GALNTL6: variants seen among roughly 807,000 people sequenced by gnomAD.
GALNTL6 encodes the protein polypeptide N-acetylgalactosaminyltransferase like 6.
In GALNTL6, 46 loss-of-function variants were observed where a neutral mutation model predicts 73.7. The ratio of observed to expected loss-of-function variants is 0.62; its 90% CI spans 0.49 to 0.80. The LOEUF is 0.80. Among genes scored for constraint, GALNTL6 ranks in the 30% least tolerant of loss-of-function variants. The pLI, the probability that GALNTL6 is intolerant of heterozygous loss-of-function variation, is 0.00. For synonymous variants in GALNTL6, 259 were observed against 263.7 expected, an observed-to-expected ratio of 0.98 and a Z score of 0.17; for missense variants, 604 against 755.0, an observed-to-expected ratio of 0.80 and a Z score of 2.34.
intron 5 of GALNTL6, among the ~76,000 whole-genome samples, chr4:172,583,612 T>G (rs1013598541): frequency 2.6e-5 from 4 of 152,068 alleles, no homozygotes; most frequent in Admixed American, 2.0e-4. Context: ...TCTAAAAATA[T>G]CGGATGCGGC....
chr4:173,025,305 A>C (rs557913254), intron 12 of GALNTL6, among the ~76,000 whole-genome samples: 92 of 152,290 alleles, frequency 6.0e-4, no homozygotes, highest in Non-Finnish European at 8.5e-4. Context: ...AGGCAACCTC[A>C]GTAAAAATAT....
chr4:172,004,616 A>G (rs1740774474), intron 2 of GALNTL6, among the ~76,000 whole-genome samples: 1 of 152,174 alleles, frequency 6.6e-6, no homozygotes, highest in South Asian at 2.1e-4. Flanking sequence ...AAATTAAAGC[A>G]GAGAAACAGA....
intron 5 of GALNTL6, among the ~76,000 whole-genome samples, chr4:172,476,594 G>A (rs752176453): frequency 3.3e-5 from 5 of 151,980 alleles, no homozygotes; most frequent in South Asian, 4.2e-4. Flanking sequence ...ATAAGCAACC[G>A]CGTCATCGTA....
At chr4:172,104,324 G>A (rs17219104) in intron 2 of GALNTL6, among the ~76,000 whole-genome samples, 13,734 of 152,154 alleles carry the variant, frequency 0.09, 787 homozygotes, top group Admixed American at 0.2. Context: ...AGAGTTTAAT[G>A]TCAAAGTTTA....
chr4:171,944,774 A>C (rs983116748), intron 2 of GALNTL6, among the ~76,000 whole-genome samples: 1 of 151,966 alleles, frequency 6.6e-6, no homozygotes, highest in African/African-American at 2.4e-5. Context: ...CAGTTTTAAC[A>C]CTCAAAAGAA....
intron 2 of GALNTL6, among the ~76,000 whole-genome samples, chr4:171,860,273 T>C (rs762902983): frequency 1.6e-4 from 25 of 152,236 alleles, no homozygotes; most frequent in Non-Finnish European, 3.1e-4. Context: ...ACCACATGGC[T>C]AGTAAATATT....
intron 5 of GALNTL6, among the ~76,000 whole-genome samples, chr4:172,710,997 T>C (rs932912860): frequency 1.3e-5 from 2 of 152,142 alleles, no homozygotes; most frequent in Non-Finnish European, 2.9e-5. Flanking sequence ...AACTGAAATA[T>C]CTGCCTTCAT....
At chr4:172,219,198 T>C (rs990207210) in intron 2 of GALNTL6, among the ~76,000 whole-genome samples, 1 of 64,634 alleles carries the variant, frequency 1.5e-5, no homozygotes, top group African/African-American at 5.2e-5. Context: ...ATTAAGCAAG[T>C]GTATATATAT....
In GALNTL6 at chr4:172,698,232, G is replaced by A. The variant is rs145532003; in HGVS notation, c.554-111129G>A. On this transcript the variant is annotated intron_variant, in intron 5 of 12. Transcript: ENST00000506823. ...TGATTGGAGTGAGGCTGATGATCTC[G>A]TGTCTTTCTGAGCCTGCCCGGTATT... is the stretch of plus-strand genomic sequence containing the variant. Among the ~76,000 whole-genome samples, 263 of 152,078 alleles carry A rather than the reference G, an allele frequency of 1.7e-3. 1 individual carries two copies. The highest frequency in any genetic ancestry group is 6.2e-3 in the African/African-American group (256 of 41,484).
chr4:171,836,642 G>T (rs1735102961), intron 2 of GALNTL6, among the ~76,000 whole-genome samples: 1 of 151,926 alleles, frequency 6.6e-6, no homozygotes, highest in Non-Finnish European at 1.5e-5. Flanking sequence ...TTAATATTTT[G>T]TTTCGTATCC....
At position 172,864,874 on chromosome 4, in the gene GALNTL6, A is replaced by C. The variant is rs181490572; in HGVS notation, c.924-17916A>C. On this transcript the variant is annotated intron_variant, in intron 7 of 12. Coordinates refer to ENST00000506823, the MANE Select transcript of GALNTL6 (RefSeq NM_001034845.3). ...TTAAAAGTATTTAAAATTATTTTGGAAGGGGACAGGTGTCAACATAAATAA... is the reference window on the plus strand; with the variant it reads ...TTAAAAGTATTTAAAATTATTTTGGCAGGGGACAGGTGTCAACATAAATAA... 3.7e-4 allele frequency among the ~76,000 whole-genome samples: 57 copies of C among 152,254 alleles called. 1 individual carries two copies. Among genetic ancestry groups the C allele is most frequent in the African/African-American group, 1.3e-3 (55 of 41,550 alleles).
Position 173,011,339 on chromosome 4 carries a change from G to T in GALNTL6, c.1488+2045G>T, listed in dbSNP as rs191943425. On this transcript the variant is annotated intron_variant, in intron 11 of 12. Coordinates refer to ENST00000506823, the MANE Select transcript of GALNTL6 (RefSeq NM_001034845.3). Reference sequence around the variant, plus strand: ...CACTGTGTTGATTGTTTCCTTTGCCGTGCAGAAGCTTTTTAGTTTGATGTG... The same window carrying T: ...CACTGTGTTGATTGTTTCCTTTGCCTTGCAGAAGCTTTTTAGTTTGATGTG... Among the ~76,000 whole-genome samples, 345 of 152,112 alleles carry T rather than the reference G, an allele frequency of 2.3e-3. 1 individual carries two copies. The highest frequency in any genetic ancestry group is 7.9e-3 in the African/African-American group (326 of 41,476).
chr4:172,589,685 T>C (rs931121245), intron 5 of GALNTL6, among the ~76,000 whole-genome samples: 3 of 152,264 alleles, frequency 2.0e-5, no homozygotes, highest in Non-Finnish European at 4.4e-5. Flanking sequence ...TTGATTCTTA[T>C]TGTGTGCAAC....
intron 2 of GALNTL6, among the ~76,000 whole-genome samples, chr4:171,864,803 T>G (rs1283088145): frequency 5.3e-5 from 8 of 152,006 alleles, no homozygotes; most frequent in African/African-American, 1.9e-4. Flanking sequence ...ACCAATCTTG[T>G]CCAAACAAAA....
chr4:172,375,266 G>T lies in GALNTL6; in HGVS notation c.553+26577G>T, dbSNP rs145255821. On this transcript the variant is annotated intron_variant, in intron 5 of 12. Coordinates refer to ENST00000506823, the MANE Select transcript of GALNTL6 (RefSeq NM_001034845.3). Reference sequence around the variant, plus strand: ...TATTTGCCTTCCCTCTTACAGAAAAGGTCAAGCTGCAGGATAGTGTTGTAA... The same window carrying T: ...TATTTGCCTTCCCTCTTACAGAAAATGTCAAGCTGCAGGATAGTGTTGTAA... Among the ~76,000 whole-genome samples, 1,114 of 152,208 alleles carry T rather than the reference G, an allele frequency of 7.3e-3. 12 individuals carry two copies. The highest frequency in any genetic ancestry group is 0.025 in the African/African-American group (1,051 of 41,508).
chr4:172,387,325 C>T (rs181742373), intron 5 of GALNTL6, among the ~76,000 whole-genome samples: 9 of 152,060 alleles, frequency 5.9e-5, no homozygotes, highest in Non-Finnish European at 8.8e-5. Context: ...TTGGTATTTT[C>T]TGTAGTACAG....
chr4:172,957,670 G>A (rs1369028508), intron 10 of GALNTL6, among the ~76,000 whole-genome samples: 1 of 152,204 alleles, frequency 6.6e-6, no homozygotes, highest in Admixed American at 6.5e-5. Flanking sequence ...GAGGACACTT[G>A]TGTAGTGAGA....
At chr4:172,052,970 A>G (rs183922313) in intron 2 of GALNTL6, among the ~76,000 whole-genome samples, 5 of 152,292 alleles carry the variant, frequency 3.3e-5, no homozygotes, top group African/African-American at 1.2e-4. Context: ...TTGCTGCCTG[A>G]ATGTCAGGGG....
intron 2 of GALNTL6, among the ~76,000 whole-genome samples, chr4:171,889,523 A>G (rs1266064144): frequency 6.6e-6 from 1 of 152,136 alleles, no homozygotes; most frequent in Non-Finnish European, 1.5e-5. Flanking sequence ...GTCTATAAGA[A>G]AATCAGCTCA....
Sources: gnomAD v4.1 joint callset for allele counts (sites outside exome capture counted in the v4.1 genomes callset) on GRCh38, gnomAD v4.1.1 for gene constraint, MANE v1.5 for transcripts, NCBI Gene and HGNC (gene_info 2026-07-23, HGNC 2026-07-21) for gene names.